Variants in TXNRD1 observed in about 807,000 individuals in gnomAD.
The protein encoded by TXNRD1 is thioredoxin reductase 1.
Under a neutral mutation model 80.3 loss-of-function variants are expected in TXNRD1, and 57 were observed. The observed-to-expected ratio is 0.71, with a 90% CI of 0.57 to 0.89. TXNRD1 has a LOEUF of 0.89. Ranked by LOEUF, TXNRD1 falls within the 40% of genes least tolerant of loss-of-function variation. TXNRD1 has a pLI of 0.00. For missense variants in TXNRD1, 730 were observed against 803.0 expected (o/e 0.91, Z 1.10); for synonymous variants, 291 against 285.2 (o/e 1.02, Z -0.20).
At chr12:104,256,673 G>T (rs934788811) in intron 2 of TXNRD1, among the ~76,000 whole-genome samples, 1 of 151,596 alleles carries the variant, frequency 6.6e-6, no homozygotes, top group Non-Finnish European at 1.5e-5. Flanking sequence ...CACCTAATTG[G>T]GTGGCTGAGG....
chr12:104,252,690 A>ATATATATT (rs2033152006), intron 2 of TXNRD1, among the ~76,000 whole-genome samples: 1 of 39,660 alleles, frequency 2.5e-5, no homozygotes, highest in African/African-American at 1.2e-4. Context: ...ATATATATAT[A>ATATATATT]TTTTTTTTTT....
chr12:104,319,717 G>A, intron 9 of TXNRD1, 132 bp downstream of exon 9: 1 of 687,038 alleles, frequency 1.5e-6, no homozygotes, highest in Non-Finnish European at 2.6e-6. Flanking sequence ...CTCTCTGGGG[G>A]CAGGGGTTTG....
At chr12:104,346,987 C>G (rs6539139) in intron 16 of TXNRD1, among the ~76,000 whole-genome samples, 1 of 152,012 alleles carries the variant, frequency 6.6e-6, no homozygotes, top group Non-Finnish European at 1.5e-5. Context: ...CCCACCTACT[C>G]GGGAGGCTGA....
rs781196034 is a variant in TXNRD1 at position 104,319,496 on chromosome 12, A to G, written c.900A>G (p.Lys300=). The change falls in exon 9 of 17, where the codon AAA becomes AAG. Residue 300 remains lysine, a synonymous_variant. Transcript: ENST00000525566. ...IKATNNKGKE[K]IYSAERFLIA... ...CAACAAATAATAAAGGCAAAGAAAA[A>G]ATTTATTCAGCAGAGAGATTTCTCA... The G allele has an allele frequency of 1.6e-5, 25 of 1,592,630 alleles. No homozygotes were observed. The East Asian group carries it at 3.2e-4, about 20-fold the overall frequency.
chr12:104,239,689 G>A (rs1333078456), intron 1 of TXNRD1, among the ~76,000 whole-genome samples: 3 of 151,974 alleles, frequency 2.0e-5, no homozygotes, highest in Non-Finnish European at 4.4e-5. Context: ...CACCTTGTTG[G>A]CCATGCTGGT....
chr12:104,216,804 C>T (rs2032225163), intron 1 of TXNRD1, among the ~76,000 whole-genome samples: 1 of 152,132 alleles, frequency 6.6e-6, no homozygotes, highest in African/African-American at 2.4e-5. Flanking sequence ...AAGTGAGGCT[C>T]CAAAAAGTGC....
intron 14 of TXNRD1, among the ~76,000 whole-genome samples, chr12:104,332,923 A>G (rs2036009215): frequency 1.3e-5 from 2 of 149,168 alleles, no homozygotes; most frequent in Non-Finnish European, 3.0e-5. Flanking sequence ...TTTATATTTT[A>G]TGTATATATA....
At chr12:104,220,867 A>T (rs1327788410) in intron 1 of TXNRD1, among the ~76,000 whole-genome samples, 1 of 152,224 alleles carries the variant, frequency 6.6e-6, no homozygotes, top group Non-Finnish European at 1.5e-5. Context: ...TTTCATGAAT[A>T]TTCCTTATAT....
intron 13 of TXNRD1, among the ~76,000 whole-genome samples, chr12:104,330,711 C>T (rs931948712): frequency 2.6e-5 from 4 of 151,998 alleles, no homozygotes; most frequent in Middle Eastern, 3.2e-3. Flanking sequence ...CTCAGCCTCC[C>T]GAGTAGCTGA....
intron 15 of TXNRD1, 57 bp from the exon 16 acceptor site, chr12:104,339,082 G>A: frequency 6.2e-7 from 1 of 1,601,844 alleles, no homozygotes. Context: ...AGCTGTGTAG[G>A]AAGAGGAGGG....
At chr12:104,337,436 A>G (rs2036177178) in intron 15 of TXNRD1, among the ~76,000 whole-genome samples, 1 of 152,080 alleles carries the variant, frequency 6.6e-6, no homozygotes. Context: ...TCAGCTCAAC[A>G]GTAGAGTGCA....
chr12:104,264,425 A>G (rs1016466209), intron 3 of TXNRD1, among the ~76,000 whole-genome samples: 1 of 152,242 alleles, frequency 6.6e-6, no homozygotes, highest in East Asian at 1.9e-4. Flanking sequence ...TTTCTCCCAT[A>G]GCGAATGAGG....
rs775029150 is a variant in TXNRD1, at chr12:104,287,370, G to A, written c.305-1561G>A. The A allele has an allele frequency of 8.7e-6, 14 of 1,614,048 alleles. No homozygotes were observed. In the Admixed American group the frequency reaches 2.3e-4, roughly 27 times the overall value. On this transcript the variant is annotated intron_variant, in intron 3 of 16. Coordinates refer to ENST00000525566, the MANE Select transcript of TXNRD1 (RefSeq NM_001093771.3). ...TGGTAGGTGAGGCCGGCGCCTGTAG[G>A]CTGGCGGTTTCCTTCCTCTTGGTCT... is the stretch of plus-strand genomic sequence containing the variant.
At chr12:104,322,299 T>C (rs779659143) in intron 10 of TXNRD1, among the ~76,000 whole-genome samples, 4 of 151,960 alleles carry the variant, frequency 2.6e-5, no homozygotes, top group Non-Finnish European at 5.9e-5. Flanking sequence ...TCTCATAATA[T>C]TGTTATGAAG....
intron 3 of TXNRD1, among the ~76,000 whole-genome samples, chr12:104,262,945 G>A (rs2033400763): frequency 1.3e-5 from 2 of 152,124 alleles, no homozygotes; most frequent in South Asian, 4.1e-4. Flanking sequence ...TGTGCTACCA[G>A]GGGATCCTCT....
intron 1 of TXNRD1, among the ~76,000 whole-genome samples, chr12:104,237,372 A>G (rs1045630877): frequency 2.6e-5 from 4 of 152,204 alleles, no homozygotes; most frequent in African/African-American, 7.2e-5. Context: ...CTAATTACAA[A>G]TTAAGCCAAT....
intron 3 of TXNRD1, among the ~76,000 whole-genome samples, chr12:104,279,701 C>T (rs1335590713): frequency 3.9e-5 from 6 of 152,156 alleles, no homozygotes; most frequent in African/African-American, 1.2e-4. Context: ...TGCCAAAGTT[C>T]CCTCTACTGG....
At chr12:104,248,658 A>T (rs2033044565) in intron 1 of TXNRD1, among the ~76,000 whole-genome samples, 1 of 152,122 alleles carries the variant, frequency 6.6e-6, no homozygotes, top group Non-Finnish European at 1.5e-5. Context: ...CAAGGATGAG[A>T]CCTAGGAAGT....
chr12:104,302,036 A>T (rs1323288940), intron 4 of TXNRD1, among the ~76,000 whole-genome samples: 1 of 152,234 alleles, frequency 6.6e-6, no homozygotes, highest in Non-Finnish European at 1.5e-5. Context: ...TCTCCGTGTA[A>T]AAACAGCTAT....
Sources: gnomAD v4.1 joint callset for allele counts (sites outside exome capture counted in the v4.1 genomes callset) on GRCh38, gnomAD v4.1.1 for gene constraint, MANE v1.5 for transcripts, NCBI Gene and HGNC (gene_info 2026-07-23, HGNC 2026-07-21) for gene names.